Variants in RSPO2 observed in about 807,000 individuals in gnomAD.
The protein encoded by RSPO2 is R-spondin 2.
Under a neutral mutation model 30.9 loss-of-function variants are expected in RSPO2, and 14 were observed. That is an observed-to-expected ratio of 0.45 (90% CI 0.30 to 0.71). The LOEUF is 0.71. Among genes scored for constraint, RSPO2 ranks in the 30% least tolerant of loss-of-function variants. The pLI is 0.08. For synonymous variants in RSPO2, 107 were observed against 96.4 expected, an observed-to-expected ratio of 1.11 and a Z score of -0.64; for missense variants, 264 against 301.9, an observed-to-expected ratio of 0.87 and a Z score of 0.93.
At chr8:108,078,300 T>C (rs1052769470) in intron 2 of RSPO2, among the ~76,000 whole-genome samples, 1 of 152,216 alleles carries the variant, frequency 6.6e-6, no homozygotes, top group Non-Finnish European at 1.5e-5. Context: ...TATGCCGTTA[T>C]GTTGGAAGAG....
At chr8:108,063,361 A>G (rs1422562743) in intron 2 of RSPO2, among the ~76,000 whole-genome samples, 1 of 151,848 alleles carries the variant, frequency 6.6e-6, no homozygotes. Flanking sequence ...ACCGGCAAAA[A>G]TCACAAGCAT....
intron 3 of RSPO2, among the ~76,000 whole-genome samples, chr8:107,979,500 G>A (rs141550834): frequency 0.025 from 3,823 of 152,252 alleles, 74 homozygotes; most frequent in Non-Finnish European, 0.038. Flanking sequence ...CTGGACACAG[G>A]AAGGGGAACA....
intron 3 of RSPO2, among the ~76,000 whole-genome samples, chr8:107,977,555 G>A (rs747348853): frequency 1.3e-5 from 2 of 152,188 alleles, no homozygotes; most frequent in African/African-American, 2.4e-5. Context: ...GTCAGTAGAA[G>A]AGAAAGGGTC....
chr8:108,038,529 G>C (rs1254384537), intron 2 of RSPO2, among the ~76,000 whole-genome samples: 1 of 152,120 alleles, frequency 6.6e-6, no homozygotes, highest in Non-Finnish European at 1.5e-5. Flanking sequence ...ATGCTACTAT[G>C]GATAAGACAT....
At chr8:108,022,132 C>A (rs1206414229) in intron 2 of RSPO2, among the ~76,000 whole-genome samples, 1 of 152,124 alleles carries the variant, frequency 6.6e-6, no homozygotes, top group African/African-American at 2.4e-5. Context: ...GTCACCTCCC[C>A]ACACCATGCT....
chr8:108,029,671 A>C (rs1195968091), intron 2 of RSPO2, among the ~76,000 whole-genome samples: 1 of 152,234 alleles, frequency 6.6e-6, no homozygotes, highest in Non-Finnish European at 1.5e-5. Context: ...TGATGACTCA[A>C]GGGAAATAAA....
At chr8:108,015,148 T>C (rs970569774) in intron 2 of RSPO2, among the ~76,000 whole-genome samples, 2 of 152,212 alleles carry the variant, frequency 1.3e-5, no homozygotes, top group Admixed American at 1.3e-4. Context: ...TCTAATTCTG[T>C]GGTGATAAAG....
intron 5 of RSPO2, among the ~76,000 whole-genome samples, chr8:107,949,248 A>G (rs779120193): frequency 6.6e-6 from 1 of 152,120 alleles, no homozygotes; most frequent in Non-Finnish European, 1.5e-5. Context: ...AAGTGAGAAC[A>G]CACAATATCT....
rs183245926 is a variant in RSPO2, at chr8:108,082,876, T to C, written c.-169-69A>G. ...GAGCCCCGGGGAGGCAGCTGCGCCT[T>C]CGCACGTCCCAATTTAAAGAAGAGA... On this transcript the variant is annotated intron_variant, in intron 1 of 5. Transcript: ENST00000276659. 7.2e-4 allele frequency: 357 copies of C among 495,774 alleles called. 2 individuals are homozygous for C. The highest frequency in any genetic ancestry group is 1.0e-3 in the Non-Finnish European group (292 of 281,240). The allele number at this position is 495,774 out of a possible 1,614,324, so 30.7% of individuals were successfully genotyped here.
intron 5 of RSPO2, among the ~76,000 whole-genome samples, chr8:107,930,197 T>G (rs914675934): frequency 6.6e-6 from 1 of 152,214 alleles, no homozygotes; most frequent in Non-Finnish European, 1.5e-5. Flanking sequence ...ATGAGGAAAC[T>G]TTTGGGTTTG....
intron 3 of RSPO2, among the ~76,000 whole-genome samples, chr8:107,968,625 C>T (rs980572658): frequency 2.0e-5 from 3 of 151,900 alleles, no homozygotes; most frequent in Non-Finnish European, 2.9e-5. Flanking sequence ...TTTGAGGTGA[C>T]GGATATCCTA....
At chr8:108,049,761 C>G (rs1472290797) in intron 2 of RSPO2, among the ~76,000 whole-genome samples, 1 of 152,134 alleles carries the variant, frequency 6.6e-6, no homozygotes, top group Non-Finnish European at 1.5e-5. Context: ...ACATAGTATT[C>G]CATGGTGTAT....
chr8:107,948,881 A>ATAAATAAG (rs1286668372), intron 5 of RSPO2, among the ~76,000 whole-genome samples: 1 of 151,526 alleles, frequency 6.6e-6, no homozygotes, highest in Non-Finnish European at 1.5e-5. Context: ...AAATAAATAA[A>ATAAATAAG]TAAATAAAAA....
At chr8:107,962,060 T>A (rs2130444639) in intron 3 of RSPO2, among the ~76,000 whole-genome samples, 1 of 152,324 alleles carries the variant, frequency 6.6e-6, no homozygotes, top group East Asian at 1.9e-4. Flanking sequence ...TTGTAACAGT[T>A]TTAACCGACG....
chr8:108,032,727 C>T (rs1012182072), intron 2 of RSPO2, among the ~76,000 whole-genome samples: 1 of 152,046 alleles, frequency 6.6e-6, no homozygotes, highest in Non-Finnish European at 1.5e-5. Context: ...AACTCCTGGG[C>T]TCAAGCAGTC....
intron 3 of RSPO2, among the ~76,000 whole-genome samples, chr8:107,971,647 A>G (rs1586589500): frequency 1.3e-5 from 2 of 152,350 alleles, no homozygotes; most frequent in South Asian, 4.1e-4. Flanking sequence ...GTGTATCCAT[A>G]CAGGTGCTAC....
chr8:107,942,142 C>G (rs543749111), intron 5 of RSPO2, among the ~76,000 whole-genome samples: 1 of 152,256 alleles, frequency 6.6e-6, no homozygotes, highest in East Asian at 1.9e-4. Flanking sequence ...CCCCAAGAAC[C>G]TCCAAGGGTG....
intron 2 of RSPO2, among the ~76,000 whole-genome samples, chr8:108,082,109 T>G (rs1813217609): frequency 2.0e-5 from 3 of 151,766 alleles, no homozygotes; most frequent in Admixed American, 2.0e-4. Context: ...AGGCCGGGTT[T>G]GGGGCGCACG....
At chr8:108,044,153 G>GAAAA (rs11382572) in intron 2 of RSPO2, among the ~76,000 whole-genome samples, 20 of 142,360 alleles carry the variant, frequency 1.4e-4, no homozygotes, top group South Asian at 8.9e-4. Context: ...TCTGTTGTCT[G>GAAAA]AAAAAAAAAA....
Sources: gnomAD v4.1 joint callset for allele counts (sites outside exome capture counted in the v4.1 genomes callset) on GRCh38, gnomAD v4.1.1 for gene constraint, MANE v1.5 for transcripts, NCBI Gene and HGNC (gene_info 2026-07-23, HGNC 2026-07-21) for gene names.